The following TAOK3 variants were observed in gnomAD, a reference collection of about 807,000 sequenced individuals.
TAOK3 encodes TAO kinase 3.
A neutral mutation model predicts 120.4 loss-of-function variants in TAOK3; 40 were observed. That is an observed-to-expected ratio of 0.33 (90% CI 0.26 to 0.43). TAOK3 has a LOEUF of 0.43. Ranked by LOEUF, TAOK3 falls within the 20% of genes least tolerant of loss-of-function variation. The probability of loss-of-function intolerance (pLI) is 1.00; values close to 1 mark genes in which losing one functional copy is unlikely to be tolerated. For missense variants in TAOK3, 821 were observed against 1,112.1 expected (o/e 0.74, Z 3.72); for synonymous variants, 355 against 387.5 (o/e 0.92, Z 0.99).
chr12:118,225,659 G>A (rs906937451), intron 9 of TAOK3, among the ~76,000 whole-genome samples: 2 of 152,084 alleles, frequency 1.3e-5, no homozygotes, highest in Admixed American at 1.3e-4. Flanking sequence ...TATTCACCAC[G>A]ATTTTATAAT....
chr12:118,330,331 T>C (rs1439389650), intron 1 of TAOK3, among the ~76,000 whole-genome samples: 2 of 152,238 alleles, frequency 1.3e-5, no homozygotes, highest in African/African-American at 2.4e-5. Context: ...TCTGTAACAA[T>C]AGTTGTGTTT....
intron 1 of TAOK3, among the ~76,000 whole-genome samples, chr12:118,326,968 T>C (rs1197558269): frequency 1.3e-5 from 2 of 152,206 alleles, no homozygotes; most frequent in African/African-American, 2.4e-5. Context: ...TCCCTTTTTA[T>C]TACCCAAATG....
chr12:118,189,571 CACACACAAA>C (rs1169916768), intron 14 of TAOK3, among the ~76,000 whole-genome samples: 1 of 39,854 alleles, frequency 2.5e-5, no homozygotes, highest in African/African-American at 8.6e-5. Flanking sequence ...CACACACACA[CACACACAAA>C]GGTTTTTTTT....
At chr12:118,274,691 C>G (rs2041844780) in intron 1 of TAOK3, among the ~76,000 whole-genome samples, 1 of 152,096 alleles carries the variant, frequency 6.6e-6, no homozygotes, top group African/African-American at 2.4e-5. Flanking sequence ...TACAGTGACA[C>G]CATCTCAGCT....
At chr12:118,241,500 T>C (rs1403463024) in intron 5 of TAOK3, among the ~76,000 whole-genome samples, 5 of 152,232 alleles carry the variant, frequency 3.3e-5, no homozygotes, top group Admixed American at 3.3e-4. Flanking sequence ...CTAGCTGCAT[T>C]AAATGTTTTA....
chr12:118,198,981 C>T, intron 13 of TAOK3, 70 bp downstream of exon 13: 2 of 1,552,224 alleles, frequency 1.3e-6, no homozygotes, highest in Non-Finnish European at 1.8e-6. Flanking sequence ...CATCTGGAAG[C>T]TAAGTGACTT....
intron 2 of TAOK3, among the ~76,000 whole-genome samples, chr12:118,262,731 G>A (rs1289567717): frequency 6.6e-6 from 1 of 150,992 alleles, no homozygotes; most frequent in Non-Finnish European, 1.5e-5. Context: ...GGAGGCTGAG[G>A]CAGGAGAATC....
rs971049651 is a variant in TAOK3 at position 118,316,485 on chromosome 12, T to G, written c.-193-49726A>C. Among the ~76,000 whole-genome samples the G allele has an allele frequency of 7.9e-5, 12 of 152,142 alleles. 1 individual carries two copies. Among genetic ancestry groups the G allele is most frequent in the Non-Finnish European group, 1.6e-4 (11 of 68,012 alleles). On this transcript the variant is annotated intron_variant, in intron 1 of 20. Transcript: ENST00000392533. Reference sequence around the variant, plus strand: ...TGTCATCCAGGCTGGAGTGCAGTTGTGCAATCTCGGATCACTGCAGCATCC... The same window carrying G: ...TGTCATCCAGGCTGGAGTGCAGTTGGGCAATCTCGGATCACTGCAGCATCC...
chr12:118,262,492 A>G (rs2041273796), intron 2 of TAOK3, among the ~76,000 whole-genome samples: 1 of 151,786 alleles, frequency 6.6e-6, no homozygotes, highest in African/African-American at 2.4e-5. Context: ...AAAGAGAAAG[A>G]AAAAGAAAAT....
intron 1 of TAOK3, among the ~76,000 whole-genome samples, chr12:118,336,975 G>A (rs1205256709): frequency 6.6e-6 from 1 of 152,162 alleles, no homozygotes; most frequent in Admixed American, 6.5e-5. Context: ...CATGAGAATC[G>A]CTTCAACCTG....
intron 9 of TAOK3, among the ~76,000 whole-genome samples, chr12:118,217,811 G>GTGTGTGTGTATATA (rs1353848789): frequency 1.3e-4 from 10 of 75,386 alleles, no homozygotes; most frequent in African/African-American, 2.6e-4. Flanking sequence ...GTGTGTGTGT[G>GTGTGTGTGTATATA]TATACATATA....
intron 1 of TAOK3, among the ~76,000 whole-genome samples, chr12:118,367,582 C>T (rs977423725): frequency 6.6e-6 from 1 of 152,088 alleles, no homozygotes; most frequent in African/African-American, 2.4e-5. Context: ...TTTAACATAG[C>T]TTACAAATAA....
At chr12:118,246,208 G>A (rs1447175344) in intron 3 of TAOK3, 7 of 1,434,036 alleles carry the variant, frequency 4.9e-6, no homozygotes, top group South Asian at 3.6e-5. Flanking sequence ...GGCCGTGGAC[G>A]GGGCCGGGGC....
At chr12:118,294,828 C>T (rs180927971) in intron 1 of TAOK3, among the ~76,000 whole-genome samples, 4 of 152,130 alleles carry the variant, frequency 2.6e-5, no homozygotes, top group South Asian at 4.1e-4. Flanking sequence ...TTTGAAAAAA[C>T]GTAACTGAGG....
chr12:118,199,527 A>G, intron 12 of TAOK3: 1 of 486,116 alleles, frequency 2.1e-6, no homozygotes, highest in Non-Finnish European at 3.8e-6. Context: ...TGTCATACAC[A>G]CTATCATATT....
intron 19 of TAOK3, among the ~76,000 whole-genome samples, chr12:118,154,267 A>T (rs1443089433): frequency 6.6e-6 from 1 of 152,226 alleles, no homozygotes; most frequent in Non-Finnish European, 1.5e-5. Flanking sequence ...AAATATCTTT[A>T]AACATTTAGA....
intron 1 of TAOK3, among the ~76,000 whole-genome samples, chr12:118,365,672 C>T (rs1412027747): frequency 6.6e-6 from 1 of 152,220 alleles, no homozygotes; most frequent in Non-Finnish European, 1.5e-5. Flanking sequence ...TTCCCATTTA[C>T]TGAGCATCTT....
chr12:118,234,859 C>G (rs530506298), intron 8 of TAOK3, among the ~76,000 whole-genome samples: 1 of 152,304 alleles, frequency 6.6e-6, no homozygotes, highest in East Asian at 1.9e-4. Flanking sequence ...AATGCATCTT[C>G]ATTAGGAGGG....
At chr12:118,320,679 G>C (rs1181617786) in intron 1 of TAOK3, among the ~76,000 whole-genome samples, 3 of 152,104 alleles carry the variant, frequency 2.0e-5, no homozygotes, top group Non-Finnish European at 4.4e-5. Context: ...AGGACTTCCA[G>C]TTAGCACACT....
Sources: allele counts gnomAD v4.1 joint callset (sites outside exome capture counted in the v4.1 genomes callset), GRCh38; gene constraint gnomAD v4.1.1; transcripts MANE v1.5; gene names NCBI Gene and HGNC (gene_info 2026-07-23, HGNC 2026-07-21).